Variants in EPS15L1 observed in about 807,000 individuals in gnomAD.
EPS15L1 encodes the protein epidermal growth factor receptor substrate 15-like 1.
In EPS15L1, 43 loss-of-function variants were observed where a neutral mutation model predicts 117.1. The observed-to-expected ratio is 0.37, with a 90% CI of 0.29 to 0.47. The LOEUF (loss-of-function observed/expected upper bound fraction) is 0.47, where lower values mean the gene tolerates loss of function less well. Among genes scored for constraint, EPS15L1 ranks in the 20% least tolerant of loss-of-function variants. EPS15L1 has a pLI of 0.99. For synonymous variants in EPS15L1, 459 were observed against 470.5 expected (o/e 0.98, Z 0.32); for missense variants, 981 against 1,164.0 (o/e 0.84, Z 2.29).
chr19:16,458,095 T>C (rs2093214287), intron 1 of EPS15L1, among the ~76,000 whole-genome samples: 1 of 152,116 alleles, frequency 6.6e-6, no homozygotes, highest in South Asian at 2.1e-4. Context: ...TCGGTTGGGA[T>C]GGGTCTGGCC....
chr19:16,361,511 G>A (rs2092050575), intron 23 of EPS15L1: 10 of 1,042,734 alleles, frequency 9.6e-6, no homozygotes, highest in South Asian at 3.2e-5. Flanking sequence ...TGAATCTACC[G>A]TGAAGGACAG....
At chr19:16,437,639 G>A (rs1416905317) in intron 5 of EPS15L1, 131 bp downstream of exon 5, 2 of 674,934 alleles carry the variant, frequency 3.0e-6, no homozygotes, top group East Asian at 5.2e-5. Context: ...TCTATTATGT[G>A]AATTTCACCA....
intron 1 of EPS15L1, among the ~76,000 whole-genome samples, chr19:16,469,364 G>C (rs757906056): frequency 7.2e-5 from 11 of 152,126 alleles, no homozygotes; most frequent in Non-Finnish European, 1.3e-4. Flanking sequence ...ATCGGCTGCA[G>C]CCACAGGGCA....
At chr19:16,465,722 C>G (rs553224133) in intron 1 of EPS15L1, among the ~76,000 whole-genome samples, 1 of 152,100 alleles carries the variant, frequency 6.6e-6, no homozygotes, top group African/African-American at 2.4e-5. Flanking sequence ...TTTCCATGTC[C>G]CTCTCTACCT....
At chr19:16,374,923 C>T (rs1316464341) in intron 22 of EPS15L1, among the ~76,000 whole-genome samples, 1 of 152,208 alleles carries the variant, frequency 6.6e-6, no homozygotes, top group Admixed American at 6.5e-5. Context: ...GTAATGCTCA[C>T]CTGTATTCAT....
At chr19:16,415,503 T>C (rs190763237) in intron 12 of EPS15L1, among the ~76,000 whole-genome samples, 122 of 152,322 alleles carry the variant, frequency 8.0e-4, no homozygotes, top group Middle Eastern at 3.4e-3. Flanking sequence ...TAAGTGATCA[T>C]TGGAATATTC....
intron 7 of EPS15L1, among the ~76,000 whole-genome samples, chr19:16,429,569 C>T (rs569156766): frequency 1.3e-5 from 2 of 152,172 alleles, no homozygotes; most frequent in South Asian, 2.1e-4. Flanking sequence ...CAGGCCTCAC[C>T]AGCCCACACA....
At chr19:16,428,321 C>A (rs1200455048) in intron 8 of EPS15L1, among the ~76,000 whole-genome samples, 1 of 151,464 alleles carries the variant, frequency 6.6e-6, no homozygotes, top group Non-Finnish European at 1.5e-5. Context: ...ACCATCCTGG[C>A]CAAGATCGGG....
intron 1 of EPS15L1, among the ~76,000 whole-genome samples, chr19:16,462,620 A>T (rs1291662637): frequency 1.3e-5 from 2 of 152,172 alleles, no homozygotes; most frequent in Non-Finnish European, 2.9e-5. Flanking sequence ...GTGAGCCAAG[A>T]TCATGCCATT....
Position 16,471,638 on chromosome 19 carries a change from C to G in EPS15L1, c.33+275G>C, listed in dbSNP as rs1179273003. On this transcript the variant is annotated intron_variant, in intron 1 of 23. Transcript: ENST00000455140. The surrounding 1 kb of genome is among the most constrained non-coding windows in gnomAD (Gnocchi z 4.8). ...CCTCCGCGGGTCCCCGGCCTGGGAG[C>G]TTCAGCGGCGGCAGGGTCCGGGCCC... Among the ~76,000 whole-genome samples the G allele has an allele frequency of 6.6e-6, 1 of 152,112 alleles. No homozygotes were observed. The highest frequency in any genetic ancestry group is 2.4e-5 in the African/African-American group (1 of 41,438).
intron 16 of EPS15L1, among the ~76,000 whole-genome samples, chr19:16,396,125 A>G (rs954291414): frequency 6.6e-6 from 1 of 152,166 alleles, no homozygotes; most frequent in Non-Finnish European, 1.5e-5. Context: ...AAATTAATTA[A>G]AGATCATTGA....
chr19:16,419,593 C>T (rs1388283268), intron 10 of EPS15L1, among the ~76,000 whole-genome samples: 1 of 152,220 alleles, frequency 6.6e-6, no homozygotes, highest in Non-Finnish European at 1.5e-5. Context: ...CCTCGTTTCC[C>T]ACCTCCCGTG....
At chr19:16,463,846 T>C (rs534884810) in intron 1 of EPS15L1, among the ~76,000 whole-genome samples, 2 of 152,244 alleles carry the variant, frequency 1.3e-5, no homozygotes, top group East Asian at 3.9e-4. Flanking sequence ...CCAGCTGATA[T>C]GAAAAGGTGT....
rs1485357615 is a variant in EPS15L1, at chr19:16,425,069, T to C, written c.792+14A>G. 2 of 1,608,290 alleles carry C rather than the reference T, an allele frequency of 1.2e-6. No individual in the cohort carries two copies. The highest frequency in any genetic ancestry group is 2.2e-5 in the East Asian group (1 of 44,850). ...TGCTCTGAGAGGGGGCTGTGCCCGC[T>C]GAGGGCTCCGTACCTGTGTTTGCTT... On this transcript the variant is annotated intron_variant, in intron 9 of 23. Coordinates refer to ENST00000455140, the MANE Select transcript of EPS15L1 (RefSeq NM_001258374.3).
At chr19:16,460,796 A>C (rs566746126) in intron 1 of EPS15L1, among the ~76,000 whole-genome samples, 65 of 152,322 alleles carry the variant, frequency 4.3e-4, no homozygotes, top group African/African-American at 1.5e-3. Context: ...GGGACCCCCC[A>C]ACCACAAACA....
Position 16,425,358 on chromosome 19 carries a change from G to T in EPS15L1, c.559-42C>A, listed in dbSNP as rs768125822. 18 of 1,410,786 alleles carry T rather than the reference G, an allele frequency of 1.3e-5. No homozygotes were observed. In the Admixed American group the frequency reaches 3.3e-4, roughly 26 times the overall value. The allele number at this position is 1,410,786 out of a possible 1,614,324, so 87.4% of individuals were successfully genotyped here. On this transcript the variant is annotated intron_variant, in intron 8 of 23. Transcript: ENST00000455140. ...CAATGGCACTGAAGGGGCAAGGCTG[G>T]GGCCGGGACCATCAGGAGAAGGCAG...
intron 18 of EPS15L1, among the ~76,000 whole-genome samples, chr19:16,393,113 AATAATAATAAT>A (rs869211930): frequency 3.2e-5 from 4 of 126,278 alleles, no homozygotes; most frequent in African/African-American, 6.1e-5. Context: ...TAATAATAAT[AATAATAATAAT>A]AAACAACGCA....
At chr19:16,459,537 C>G (rs1255641524) in intron 1 of EPS15L1, among the ~76,000 whole-genome samples, 1 of 152,074 alleles carries the variant, frequency 6.6e-6, no homozygotes, top group Non-Finnish European at 1.5e-5. Context: ...GGGGAGCGGG[C>G]AGACATAGCT....
At chr19:16,428,491 G>A in intron 8 of EPS15L1, among the ~76,000 whole-genome samples, 1 of 117,002 alleles carries the variant, frequency 8.5e-6, no homozygotes, top group African/African-American at 3.4e-5. Flanking sequence ...GAGGGAGGGA[G>A]GGAGGGAGGG....
Sources: allele counts gnomAD v4.1 joint callset (sites outside exome capture counted in the v4.1 genomes callset), GRCh38; gene constraint gnomAD v4.1.1; non-coding constraint Gnocchi (gnomAD v3.1); transcripts MANE v1.5; gene names NCBI Gene and HGNC (gene_info 2026-07-23, HGNC 2026-07-21).